Variants in FLT3 observed in about 807,000 individuals in gnomAD.
The protein encoded by FLT3 is receptor-type tyrosine-protein kinase FLT3.
A neutral mutation model predicts 126.6 loss-of-function variants in FLT3; 46 were observed. The observed-to-expected ratio is 0.36, with a 90% CI of 0.29 to 0.46. FLT3 has a LOEUF of 0.46. Among genes scored for constraint, FLT3 ranks in the 20% least tolerant of loss-of-function variants. FLT3 has a pLI of 1.00. For missense variants in FLT3, 1,069 were observed against 1,190.3 expected, an observed-to-expected ratio of 0.90 and a Z score of 1.50; for synonymous variants, 404 against 434.4, an observed-to-expected ratio of 0.93 and a Z score of 0.87.
At chr13:28,011,705 CTT>C (rs921421795) in intron 23 of FLT3, among the ~76,000 whole-genome samples, 2 of 49,966 alleles carry the variant, frequency 4.0e-5, no homozygotes, top group African/African-American at 1.1e-4. Context: ...CTTTCTTTCT[CTT>C]TTTCTCTTTC....
chr13:28,072,882 G>T (rs1877642554), intron 1 of FLT3, among the ~76,000 whole-genome samples: 1 of 152,096 alleles, frequency 6.6e-6, no homozygotes, highest in Non-Finnish European at 1.5e-5. Context: ...GCAGGCGCCT[G>T]CAGTCCCAGC....
At chr13:28,070,720 T>C in intron 1 of FLT3, 108 bp from the exon 2 acceptor site, 1 of 814,822 alleles carries the variant, frequency 1.2e-6, no homozygotes, top group Non-Finnish European at 1.9e-6. Flanking sequence ...CAGAGGAAAT[T>C]GGCCACTATG....
At chr13:28,032,386 C>T (rs950299649) in intron 15 of FLT3, among the ~76,000 whole-genome samples, 1 of 152,170 alleles carries the variant, frequency 6.6e-6, no homozygotes, top group Non-Finnish European at 1.5e-5. Context: ...AGCAAGCCCA[C>T]AGGGATGCCC....
intron 1 of FLT3, among the ~76,000 whole-genome samples, chr13:28,096,702 G>A (rs1467554414): frequency 6.6e-6 from 1 of 152,138 alleles, no homozygotes; most frequent in African/African-American, 2.4e-5. Context: ...AAAGTGCTGG[G>A]ATTACAGGCA....
intron 6 of FLT3, 55 bp from the exon 7 acceptor site, chr13:28,049,829 C>A: frequency 6.4e-7 from 1 of 1,559,582 alleles, no homozygotes; most frequent in South Asian, 1.2e-5. Context: ...TGCCTCATCA[C>A]AAAAGATATC....
intron 23 of FLT3, among the ~76,000 whole-genome samples, chr13:28,005,323 C>T (rs1870784366): frequency 7.1e-6 from 1 of 140,386 alleles, no homozygotes; most frequent in Admixed American, 6.9e-5. Flanking sequence ...AGCAAGACTC[C>T]ATCTCAAAAA....
At chr13:28,091,207 CT>C (rs572410744) in intron 1 of FLT3, among the ~76,000 whole-genome samples, 77 of 36,566 alleles carry the variant, frequency 2.1e-3, no homozygotes, top group East Asian at 2.7e-3. Context: ...GCCCCATTTT[CT>C]TTTTTTTTTT....
intron 1 of FLT3, among the ~76,000 whole-genome samples, chr13:28,099,308 T>C (rs1299066417): frequency 5.9e-5 from 9 of 152,250 alleles, no homozygotes; most frequent in African/African-American, 2.2e-4. Flanking sequence ...CATATTGTAC[T>C]ACACATTTGA....
intron 1 of FLT3, among the ~76,000 whole-genome samples, chr13:28,076,804 G>A (rs1310438811): frequency 1.3e-5 from 2 of 152,150 alleles, no homozygotes; most frequent in Non-Finnish European, 2.9e-5. Flanking sequence ...GCATGTATCT[G>A]TAGTCCCAGC....
intron 20 of FLT3, 99 bp from the exon 21 acceptor site, chr13:28,015,800 C>T: frequency 2.7e-6 from 2 of 736,680 alleles, no homozygotes; most frequent in Non-Finnish European, 4.8e-6. Context: ...CTTCCTAAGA[C>T]CACTCTTAAT....
intron 9 of FLT3, among the ~76,000 whole-genome samples, chr13:28,042,185 T>TAAA (rs1461701782): frequency 1.5e-5 from 2 of 134,596 alleles, no homozygotes; most frequent in Admixed American, 7.5e-5. Context: ...ATAATAATAA[T>TAAA]AATAAATAAA....
chr13:28,006,322 G>A (rs867748050), intron 23 of FLT3, among the ~76,000 whole-genome samples: 5,272 of 151,866 alleles, frequency 0.035, 275 homozygotes, highest in African/African-American at 0.12. Context: ...GTGTGTGTGT[G>A]TGTGTGTGTG....
intron 23 of FLT3, among the ~76,000 whole-genome samples, chr13:28,013,113 C>A (rs1287213199): frequency 2.6e-5 from 4 of 152,116 alleles, no homozygotes; most frequent in Non-Finnish European, 5.9e-5. Context: ...TCCATTTCCT[C>A]TGGCCTTTTG....
chr13:28,091,895 C>G (rs1214974643), intron 1 of FLT3, among the ~76,000 whole-genome samples: 1 of 151,976 alleles, frequency 6.6e-6, no homozygotes, highest in Non-Finnish European at 1.5e-5. Context: ...CATGGTGAAA[C>G]CCCGTCTTTA....
intron 18 of FLT3, among the ~76,000 whole-genome samples, chr13:28,024,170 T>G (rs1293825975): frequency 7.3e-5 from 11 of 151,432 alleles, no homozygotes; most frequent in Non-Finnish European, 1.2e-4. Flanking sequence ...CTCACTCTGT[T>G]GCCCAGGTTG....
intron 5 of FLT3, among the ~76,000 whole-genome samples, chr13:28,051,041 C>G (rs1173837318): frequency 6.6e-6 from 1 of 152,172 alleles, no homozygotes; most frequent in Non-Finnish European, 1.5e-5. Flanking sequence ...TATCTGTTGT[C>G]ATCCGCATTC....
chr13:28,014,610 ATGGATCATTTT>A lies in FLT3; in HGVS notation c.2754-64_2754-54del, dbSNP rs990805991. 8.2e-6 allele frequency: 10 copies of A among 1,224,044 alleles called. No homozygotes were observed. The Admixed American group carries it at 1.7e-4, about 21-fold the overall frequency. The allele number at this position is 1,224,044 out of a possible 1,614,324, so 75.8% of individuals were successfully genotyped here. On this transcript the variant is annotated intron_variant, in intron 22 of 23. Transcript: ENST00000241453. ...GATGAAGAAGTCTGAATGAAGCAAA[ATGGATCATTTT>A]CCATATAATGAAGCACCATTTATTC...
chr13:28,015,838 C>T lies in FLT3; in HGVS notation c.2542-137G>A, dbSNP rs533111311. ...CTTATTGAGAAAATCACATTCCTCA[C>T]GTGAAAGGTTTTCACTTTCAAATTA... On this transcript the variant is annotated intron_variant, in intron 20 of 23. Coordinates refer to ENST00000241453, the MANE Select transcript of FLT3 (RefSeq NM_004119.3). The T allele has an allele frequency of 9.2e-5, 57 of 620,088 alleles. 1 individual carries two copies. Among genetic ancestry groups the T allele is most frequent in the South Asian group, 7.9e-4 (40 of 50,914 alleles). 38.4% of individuals were successfully genotyped at this position (620,088 alleles called of 1,614,324 possible). A position where few individuals can be genotyped will look rare whatever the true frequency, so the allele number is the denominator to read the frequency against.
chr13:28,083,637 A>G (rs968104298), intron 1 of FLT3, among the ~76,000 whole-genome samples: 3 of 152,212 alleles, frequency 2.0e-5, no homozygotes, highest in Non-Finnish European at 4.4e-5. Context: ...CCTTGTGGGA[A>G]TATTTTTAAC....
Sources: allele counts gnomAD v4.1 joint callset (sites outside exome capture counted in the v4.1 genomes callset), GRCh38; gene constraint gnomAD v4.1.1; transcripts MANE v1.5; gene names NCBI Gene and HGNC (gene_info 2026-07-23, HGNC 2026-07-21).